DCHS2: variants seen among roughly 807,000 people sequenced by gnomAD.
DCHS2 encodes protocadherin-23.
In DCHS2, 142 loss-of-function variants were observed where a neutral mutation model predicts 182.4. The observed-to-expected ratio is 0.78, with a 90% confidence interval of 0.68 to 0.89. DCHS2 has a LOEUF of 0.89. Ranked by LOEUF, DCHS2 falls within the 40% of genes least tolerant of loss-of-function variation. The probability of loss-of-function intolerance (pLI) is 0.00; values close to 1 mark genes in which losing one functional copy is unlikely to be tolerated. For missense variants in DCHS2, 4,319 were observed against 4,198.6 expected (o/e 1.03, Z -0.79); for synonymous variants, 1,740 against 1,663.3 (o/e 1.05, Z -1.12).
chr4:154,480,169 T>G (rs550305690), intron 1 of DCHS2, among the ~76,000 whole-genome samples: 1 of 152,286 alleles, frequency 6.6e-6, no homozygotes, highest in African/African-American at 2.4e-5. Flanking sequence ...TTTCCAAATG[T>G]AGAAATAAAG....
At chr4:154,410,876 A>T (rs1209358095) in intron 1 of DCHS2, among the ~76,000 whole-genome samples, 1 of 152,224 alleles carries the variant, frequency 6.6e-6, no homozygotes, top group Non-Finnish European at 1.5e-5. Context: ...AAGCAGCAAG[A>T]GAAGTGTCAA....
At chr4:154,408,664 A>T (rs1732497987) in intron 1 of DCHS2, among the ~76,000 whole-genome samples, 1 of 152,192 alleles carries the variant, frequency 6.6e-6, no homozygotes, top group African/African-American at 2.4e-5. Context: ...ACTAAAGGAG[A>T]GTGCTGGAGT....
At chr4:154,459,700 A>T (rs1472884568) in intron 1 of DCHS2, among the ~76,000 whole-genome samples, 2 of 149,388 alleles carry the variant, frequency 1.3e-5, no homozygotes, top group East Asian at 4.0e-4. Context: ...AAGATGTGGC[A>T]GTCCTTTTCT....
chr4:154,297,035 C>T (rs1734956186), intron 13 of DCHS2, among the ~76,000 whole-genome samples: 1 of 152,168 alleles, frequency 6.6e-6, no homozygotes, highest in African/African-American at 2.4e-5. Context: ...AAATAATCTT[C>T]TGGTGTCTAA....
At chr4:154,305,826 G>A (rs191615441) in intron 10 of DCHS2, among the ~76,000 whole-genome samples, 1 of 152,124 alleles carries the variant, frequency 6.6e-6, no homozygotes, top group Non-Finnish European at 1.5e-5. Context: ...TTTCTCCCCT[G>A]AGAAAAGTAT....
intron 1 of DCHS2, among the ~76,000 whole-genome samples, chr4:154,449,656 A>C (rs1734454274): frequency 6.6e-6 from 1 of 152,226 alleles, no homozygotes; most frequent in African/African-American, 2.4e-5. Context: ...TACAGGCATG[A>C]GCCACCACGC....
intron 13 of DCHS2, among the ~76,000 whole-genome samples, chr4:154,270,324 AG>A: frequency 6.6e-6 from 1 of 152,232 alleles, no homozygotes; most frequent in Non-Finnish European, 1.5e-5. Context: ...GAGAGAAATA[AG>A]GTTACTTGAT....
At chr4:154,265,228 T>G (rs1417911489) in intron 14 of DCHS2, among the ~76,000 whole-genome samples, 7 of 152,170 alleles carry the variant, frequency 4.6e-5, no homozygotes, top group African/African-American at 1.7e-4. Context: ...TTTTTTTCAT[T>G]TACCGTAGTG....
intron 12 of DCHS2, among the ~76,000 whole-genome samples, chr4:154,300,780 G>A (rs1735168097): frequency 6.6e-6 from 1 of 152,082 alleles, no homozygotes; most frequent in South Asian, 2.1e-4. Context: ...GCAACAAGGG[G>A]TATCTGAAAC....
intron 3 of DCHS2, among the ~76,000 whole-genome samples, chr4:154,346,621 G>A (rs1362424054): frequency 6.6e-6 from 1 of 150,938 alleles, no homozygotes; most frequent in African/African-American, 2.5e-5. Flanking sequence ...GCCTATGTAA[G>A]TAACTGTTCA....
chr4:154,331,677 A>G (rs1397748332), intron 5 of DCHS2: 2 of 1,613,936 alleles, frequency 1.2e-6, no homozygotes, highest in African/African-American at 1.3e-5. Context: ...CAGCAGCACC[A>G]TCTGCCCAGG....
At chr4:154,454,397 T>C (rs1216980288) in intron 1 of DCHS2, among the ~76,000 whole-genome samples, 3 of 152,070 alleles carry the variant, frequency 2.0e-5, no homozygotes, top group Admixed American at 6.6e-5. Flanking sequence ...GTGTACGCCA[T>C]CATGCTCAGT....
chr4:154,400,476 G>A (rs1732125802), intron 1 of DCHS2, among the ~76,000 whole-genome samples: 1 of 151,692 alleles, frequency 6.6e-6, no homozygotes, highest in Non-Finnish European at 1.5e-5. Context: ...AAGGGTGGTT[G>A]AGTTATTTGA....
chr4:154,461,162 A>G (rs1479807500), intron 1 of DCHS2, among the ~76,000 whole-genome samples: 1 of 152,166 alleles, frequency 6.6e-6, no homozygotes, highest in Non-Finnish European at 1.5e-5. Flanking sequence ...GACCCATACT[A>G]AGCAATAGTA....
Position 154,320,481 on chromosome 4 carries a change from G to C in DCHS2, c.4918C>G (p.His1640Asp). ...EDVTVGSLVH[H>D]ITAHDPDEGR... is the part of the protein sequence containing the mutation. The stretch of plus-strand genomic sequence containing the variant: ...TCGTCTGGATCGTGAGCAGTTATGT[G>C]GTGGACCAAGGAGCCCACTGTGACA... The change falls in exon 9 of 20, where the codon CAC (histidine) becomes GAC (aspartate). Residue 1640 changes from histidine to aspartate, a missense_variant. By Grantham distance (81) the His-to-Asp change is moderately conservative. Transcript: ENST00000357232. The C allele has an allele frequency of 6.2e-7, 1 of 1,614,104 alleles. No individual in the cohort carries two copies. Among genetic ancestry groups the C allele is most frequent in the Non-Finnish European group, 8.5e-7 (1 of 1,180,010 alleles).
intron 16 of DCHS2, among the ~76,000 whole-genome samples, chr4:154,248,973 TA>T (rs1462921749): frequency 3.3e-5 from 5 of 152,098 alleles, no homozygotes; most frequent in African/African-American, 1.2e-4. Context: ...GGCCTCAAGC[TA>T]TAGAAATCCT....
chr4:154,453,599 G>C (rs1366114022), intron 1 of DCHS2, among the ~76,000 whole-genome samples: 1 of 152,076 alleles, frequency 6.6e-6, no homozygotes, highest in African/African-American at 2.4e-5. Flanking sequence ...TTGCTGTAGA[G>C]GACCCCCTGG....
At chr4:154,270,865 C>T (rs11726850) in intron 13 of DCHS2, among the ~76,000 whole-genome samples, 72,496 of 151,728 alleles carry the variant, frequency 0.48, 18,754 homozygotes, top group Non-Finnish European at 0.58. Flanking sequence ...AACCAGCTTC[C>T]GATCTAGCTG....
chr4:154,486,590 A>G (rs543296550), intron 1 of DCHS2: 3 of 1,274,530 alleles, frequency 2.4e-6, no homozygotes, highest in Non-Finnish European at 3.1e-6. Context: ...ATGTAATGTC[A>G]TTAAGCAAAG....
Sources: allele counts gnomAD v4.1 joint callset (sites outside exome capture counted in the v4.1 genomes callset), GRCh38; gene constraint gnomAD v4.1.1; transcripts MANE v1.5; gene names NCBI Gene and HGNC (gene_info 2026-07-23, HGNC 2026-07-21).